Variants in SUMO2 observed in about 807,000 individuals in gnomAD.
SUMO2 encodes the protein small ubiquitin like modifier 2, also known as small ubiquitin-related modifier 2.
In SUMO2, 1 loss-of-function variant was observed where a neutral mutation model predicts 16.0. The observed-to-expected ratio is 0.06, with a 90% CI of 0.02 to 0.30. The LOEUF is 0.30. Ranked by LOEUF, SUMO2 falls within the 10% of genes least tolerant of loss-of-function variation. The pLI, the probability that SUMO2 is intolerant of heterozygous loss-of-function variation, is 1.00. For missense variants in SUMO2, 16 were observed against 117.5 expected (o/e 0.14, Z 3.99); for synonymous variants, 36 against 40.6 (o/e 0.89, Z 0.43).
chr17:75,181,336 A>G, intron 1 of SUMO2, 148 bp from the exon 2 acceptor site: 1 of 815,876 alleles, frequency 1.2e-6, no homozygotes, highest in East Asian at 2.7e-5. Flanking sequence ...AGCTGCTGAA[A>G]TCAATGTGAA....
intron 2 of SUMO2, among the ~76,000 whole-genome samples, chr17:75,178,527 A>AG (rs1448020521): frequency 6.6e-6 from 1 of 150,902 alleles, no homozygotes; most frequent in East Asian, 1.9e-4. Context: ...AAAAAAAAAA[A>AG]GAAAAGAATA....
In SUMO2 at chr17:75,167,546, A is replaced by G. The variant is rs2074702250; in HGVS notation, c.*793T>C. 1 of 152,150 alleles carries G rather than the reference A, an allele frequency of 6.6e-6. No individual in the cohort carries two copies. 9.4% of individuals were successfully genotyped at this position (152,150 alleles called of 1,614,324 possible). On this transcript the variant is annotated 3_prime_UTR_variant, in exon 4 of 4. Coordinates refer to ENST00000420826, the MANE Select transcript of SUMO2 (RefSeq NM_006937.4). Reference sequence around the variant, plus strand: ...ACTTGCATATTAACATGGGACCTAGAGAAACTTTTGGAACAAGGTGATATT... The same window carrying G: ...ACTTGCATATTAACATGGGACCTAGGGAAACTTTTGGAACAAGGTGATATT...
At chr17:75,171,144 C>G (rs1440798443) in intron 3 of SUMO2, among the ~76,000 whole-genome samples, 2 of 150,128 alleles carry the variant, frequency 1.3e-5, no homozygotes, top group Non-Finnish European at 1.5e-5. Context: ...TCTATTTTTT[C>G]TTGCGATGGA....
At chr17:75,176,720 T>C (rs1033523427) in intron 2 of SUMO2, among the ~76,000 whole-genome samples, 9 of 152,166 alleles carry the variant, frequency 5.9e-5, no homozygotes, top group African/African-American at 2.2e-4. Context: ...TTTCCTTTAA[T>C]ACTTACCCAA....
chr17:75,170,564 G>A lies in SUMO2; in HGVS notation c.226-2163C>T, dbSNP rs370570463. On this transcript the variant is annotated intron_variant, in intron 3 of 3. Coordinates refer to ENST00000420826, the MANE Select transcript of SUMO2 (RefSeq NM_006937.4). ...CAGCCTGGCAACAGAGCAAGACTCT[G>A]TCTCAAAAAACAAAAACAAAAACAA... 2.3e-4 allele frequency among the ~76,000 whole-genome samples: 34 copies of A among 150,234 alleles called. No homozygotes were observed. The East Asian group carries it at 5.7e-3, about 25-fold the overall frequency.
At position 75,182,881 on chromosome 17, in the gene SUMO2, C is replaced by T. The variant is rs1048359863; in HGVS notation, c.-47G>A. On this transcript the variant is annotated 5_prime_UTR_variant, in exon 1 of 4. Transcript: ENST00000420826. Reference sequence around the variant, plus strand: ...AGCTGCCGCTTCACAAAAGAGGTACCAGGTCCGCACCAAACGAGCACACAA... The same window carrying T: ...AGCTGCCGCTTCACAAAAGAGGTACTAGGTCCGCACCAAACGAGCACACAA... 1 of 1,342,732 alleles carries T rather than the reference C, an allele frequency of 7.4e-7. No individual in the cohort carries two copies. Among genetic ancestry groups the T allele is most frequent in the Non-Finnish European group, 9.6e-7 (1 of 1,038,550 alleles). 83.2% of individuals were successfully genotyped at this position (1,342,732 alleles called of 1,614,324 possible).
At chr17:75,173,959 G>A (rs1271148507) in intron 3 of SUMO2, among the ~76,000 whole-genome samples, 1 of 152,200 alleles carries the variant, frequency 6.6e-6, no homozygotes, top group East Asian at 1.9e-4. Context: ...TTGTAGTAAG[G>A]ATCTGGAAAA....
At chr17:75,169,372 C>T (rs909115175) in intron 3 of SUMO2, among the ~76,000 whole-genome samples, 39 of 151,860 alleles carry the variant, frequency 2.6e-4, no homozygotes, top group African/African-American at 8.9e-4. Context: ...CACCCCATCC[C>T]TATTAAAAAA....
chr17:75,174,934 C>A, intron 2 of SUMO2, 111 bp from the exon 3 acceptor site: 1 of 901,922 alleles, frequency 1.1e-6, no homozygotes. Context: ...CCTAAATAAA[C>A]AATTGCCAAC....
At chr17:75,182,617 G>C (rs1224357205) in intron 1 of SUMO2, 197 bp downstream of exon 1, 1 of 355,614 alleles carries the variant, frequency 2.8e-6, no homozygotes, top group Admixed American at 5.0e-5. Context: ...GGAGAGAGCG[G>C]CGGGGCCTCC....
intron 3 of SUMO2, among the ~76,000 whole-genome samples, chr17:75,174,141 A>G (rs1345350218): frequency 2.6e-5 from 4 of 152,174 alleles, no homozygotes; most frequent in African/African-American, 9.6e-5. Flanking sequence ...GTCAATCCCA[A>G]CACTTTGGGA....
intron 1 of SUMO2, 132 bp downstream of exon 1, chr17:75,182,682 G>C (rs1181414611): frequency 1.4e-6 from 1 of 692,730 alleles, no homozygotes; most frequent in East Asian, 4.2e-5. Flanking sequence ...GGAGCGCCCG[G>C]GCCTGAGCCG....
At chr17:75,182,655 A>C in intron 1 of SUMO2, 159 bp downstream of exon 1, 2 of 452,894 alleles carry the variant, frequency 4.4e-6, no homozygotes, top group Non-Finnish European at 3.4e-6. Context: ...GAAGAGAGGG[A>C]GGGAGGAAAA....
chr17:75,178,253 C>A (rs1275798455), intron 2 of SUMO2, among the ~76,000 whole-genome samples: 1 of 151,282 alleles, frequency 6.6e-6, no homozygotes, highest in Non-Finnish European at 1.5e-5. Context: ...CAGTGGCTCA[C>A]ACCTGTAATC....
intron 3 of SUMO2, among the ~76,000 whole-genome samples, chr17:75,174,014 C>T (rs1034982522): frequency 2.0e-5 from 3 of 152,148 alleles, no homozygotes; most frequent in African/African-American, 7.2e-5. Flanking sequence ...AGCTATGGGA[C>T]GTGGCAATTA....
chr17:75,180,323 C>A (rs1222872216), intron 2 of SUMO2, among the ~76,000 whole-genome samples: 2 of 99,156 alleles, frequency 2.0e-5, no homozygotes, highest in African/African-American at 8.0e-5. Flanking sequence ...AAAACAAAAA[C>A]AAAAATAAAA....
chr17:75,182,004 C>CAGCAGT (rs2074832753), intron 1 of SUMO2, among the ~76,000 whole-genome samples: 2 of 152,256 alleles, frequency 1.3e-5, no homozygotes, highest in Admixed American at 6.5e-5. Flanking sequence ...CTAAAAGCAG[C>CAGCAGT]AAGTCCCGTG....
At chr17:75,180,940 T>A in intron 2 of SUMO2, 117 bp downstream of exon 2, 5 of 1,178,452 alleles carry the variant, frequency 4.2e-6, no homozygotes, top group Non-Finnish European at 6.1e-6. Flanking sequence ...ACGTGCCAAG[T>A]GCATATTCAT....
intron 2 of SUMO2, among the ~76,000 whole-genome samples, chr17:75,175,553 C>G (rs1375769728): frequency 6.6e-6 from 1 of 152,028 alleles, no homozygotes; most frequent in African/African-American, 2.4e-5. Context: ...CTCCTGACCT[C>G]AGATGATCTG....
Sources: allele counts gnomAD v4.1 joint callset (sites outside exome capture counted in the v4.1 genomes callset), GRCh38; gene constraint gnomAD v4.1.1; transcripts MANE v1.5; gene names NCBI Gene and HGNC (gene_info 2026-07-23, HGNC 2026-07-21).